CALD1: variants seen among roughly 807,000 people sequenced by gnomAD.
CALD1 encodes the protein caldesmon.
A neutral mutation model predicts 99.9 loss-of-function variants in CALD1; 33 were observed. The observed-to-expected ratio is 0.33, with a 90% CI of 0.25 to 0.44. The LOEUF (loss-of-function observed/expected upper bound fraction) is 0.44. Among genes scored for constraint, CALD1 ranks in the 20% least tolerant of loss-of-function variants. The probability of loss-of-function intolerance (pLI) is 1.00; values close to 1 mark genes in which losing one functional copy is unlikely to be tolerated. For missense variants in CALD1, 861 were observed against 962.1 expected, an observed-to-expected ratio of 0.89 and a Z score of 1.39; for synonymous variants, 310 against 325.0, an observed-to-expected ratio of 0.95 and a Z score of 0.50.
intron 7 of CALD1, 47 bp downstream of exon 7, chr7:134,941,284 A>G (rs200086155): frequency 0.034 from 14,648 of 435,314 alleles, 59 homozygotes; most frequent in South Asian, 0.078. Context: ...ACATGCAAAG[A>G]AAAAAAAAAA....
the CALD1 span, among the ~76,000 whole-genome samples, chr7:134,712,305 T>C: frequency 1.6e-4 from 24 of 152,184 alleles, no homozygotes; most frequent in African/African-American, 5.5e-4. Flanking sequence ...ATATCTTCTT[T>C]TTAAAATATT....
chr7:134,967,420 G>A (rs191572185), intron 14 of CALD1, among the ~76,000 whole-genome samples: 20 of 152,180 alleles, frequency 1.3e-4, no homozygotes, highest in African/African-American at 4.8e-4. Flanking sequence ...CTTGAAAATT[G>A]GAATTCACAA....
chr7:134,714,387 T>G, the CALD1 span, among the ~76,000 whole-genome samples: 1 of 152,188 alleles, frequency 6.6e-6, no homozygotes, highest in Non-Finnish European at 1.5e-5. Context: ...GTCCTTCCTC[T>G]GGCAGGTTCT....
At chr7:134,930,868 C>T (rs1805472356) in intron 4 of CALD1, among the ~76,000 whole-genome samples, 1 of 152,176 alleles carries the variant, frequency 6.6e-6, no homozygotes, top group Non-Finnish European at 1.5e-5. Flanking sequence ...TAGTCATTCA[C>T]TGCCTTTTCC....
intron 1 of CALD1, among the ~76,000 whole-genome samples, chr7:134,810,184 C>T (rs1020019096): frequency 1.3e-5 from 2 of 152,120 alleles, no homozygotes; most frequent in Admixed American, 1.3e-4. Flanking sequence ...GCCTAATCAA[C>T]CCAACTGGTC....
chr7:134,765,263 G>C (rs1205005000), intron 1 of CALD1, among the ~76,000 whole-genome samples: 1 of 151,312 alleles, frequency 6.6e-6, no homozygotes, highest in Non-Finnish European at 1.5e-5. Context: ...GCAGTGAGCT[G>C]AGATTGTGCC....
intron 3 of CALD1, among the ~76,000 whole-genome samples, chr7:134,917,148 G>A (rs1804272075): frequency 6.6e-6 from 1 of 151,996 alleles, no homozygotes; most frequent in Non-Finnish European, 1.5e-5. Context: ...TCGACACCTG[G>A]GTCTGAACTG....
chr7:134,934,014 G>T lies in CALD1; in HGVS notation c.1245G>T (p.Gly415=). 1 of 1,613,724 alleles carries T rather than the reference G, an allele frequency of 6.2e-7. No homozygotes were observed. Among genetic ancestry groups the T allele is most frequent in the Non-Finnish European group, 8.5e-7 (1 of 1,179,906 alleles). Residue 415 remains glycine, a synonymous_variant, in exon 5 of 15, where the codon GGG becomes GGT. Coordinates refer to ENST00000361675, the MANE Select transcript of CALD1 (RefSeq NM_033138.4). ...AAAAGGTAGAACAGAAAATAGAAGG[G>T]AAATGGGTAAATGAAAAGAAAGCAC... The part of the protein sequence containing the change: ...KGEKVEQKIE[G]KWVNEKKAQE...
chr7:134,968,160 G>A (rs886541740), intron 14 of CALD1, among the ~76,000 whole-genome samples, 180 bp from the exon 15 acceptor site: 1 of 151,948 alleles, frequency 6.6e-6, no homozygotes, highest in Non-Finnish European at 1.5e-5. Flanking sequence ...AAAATAAAAA[G>A]TAAAATAAAA....
intron 9 of CALD1, among the ~76,000 whole-genome samples, chr7:134,956,677 C>G (rs534052248): frequency 6.6e-6 from 1 of 152,310 alleles, no homozygotes; most frequent in East Asian, 1.9e-4. Context: ...CCAAGACTCA[C>G]TGAGACAAGG....
chr7:134,779,834 G>T, intron 1 of CALD1, 85 bp downstream of exon 1: 1 of 396,534 alleles, frequency 2.5e-6, no homozygotes, highest in Non-Finnish European at 4.4e-6. Context: ...CCTGGCTAAG[G>T]TAGCTGGAGA....
At chr7:134,869,888 A>G (rs778235537) in intron 3 of CALD1, among the ~76,000 whole-genome samples, 2 of 152,168 alleles carry the variant, frequency 1.3e-5, no homozygotes, top group Non-Finnish European at 2.9e-5. Flanking sequence ...ATCAAAGAAG[A>G]CAACGTACCA....
chr7:134,887,772 GTA>G (rs1318409063), intron 3 of CALD1, among the ~76,000 whole-genome samples: 10 of 150,746 alleles, frequency 6.6e-5, no homozygotes, highest in African/African-American at 2.2e-4. Flanking sequence ...GCCTGCGTGT[GTA>G]TGTGTGTGCA....
At chr7:134,831,278 G>T (rs925957191) in intron 1 of CALD1, among the ~76,000 whole-genome samples, 1 of 152,014 alleles carries the variant, frequency 6.6e-6, no homozygotes, top group Non-Finnish European at 1.5e-5. Context: ...TAATCTCAGG[G>T]TGGGAAGGAT....
chr7:134,716,862 CA>C, the CALD1 span, among the ~76,000 whole-genome samples: 9 of 152,086 alleles, frequency 5.9e-5, no homozygotes, highest in African/African-American at 2.2e-4. Context: ...CACCAAAGAC[CA>C]ATGCCAAATG....
intron 1 of CALD1, among the ~76,000 whole-genome samples, chr7:134,814,380 G>A (rs1458455421): frequency 6.6e-6 from 1 of 152,220 alleles, no homozygotes; most frequent in Non-Finnish European, 1.5e-5. Context: ...CCAGTTGGCT[G>A]TGGGAGTAGG....
chr7:134,878,844 T>C (rs1190613314), intron 3 of CALD1, among the ~76,000 whole-genome samples: 1 of 152,066 alleles, frequency 6.6e-6, no homozygotes, highest in Non-Finnish European at 1.5e-5. Flanking sequence ...AGTGTGTGCC[T>C]GTAGTACCAG....
At chr7:134,872,875 A>T (rs1387550529) in intron 3 of CALD1, among the ~76,000 whole-genome samples, 1 of 152,172 alleles carries the variant, frequency 6.6e-6, no homozygotes, top group African/African-American at 2.4e-5. Flanking sequence ...ATCTCAGGGG[A>T]GTAAAAAGTT....
chr7:134,810,749 T>C (rs750579803), intron 1 of CALD1, among the ~76,000 whole-genome samples: 3 of 152,154 alleles, frequency 2.0e-5, no homozygotes, highest in Non-Finnish European at 4.4e-5. Flanking sequence ...GCCTTTGCAT[T>C]CTCAGTCTGA....
Sources: allele counts gnomAD v4.1 joint callset (sites outside exome capture counted in the v4.1 genomes callset), GRCh38; gene constraint gnomAD v4.1.1; transcripts MANE v1.5; gene names NCBI Gene and HGNC (gene_info 2026-07-23, HGNC 2026-07-21).